The following GPR19 variants were observed in gnomAD, a reference collection of about 807,000 sequenced individuals.
GPR19 encodes the protein G protein-coupled receptor 19, also known as probable G protein-coupled receptor 19.
Under a neutral mutation model 28.5 loss-of-function variants are expected in GPR19, and 14 were observed. The ratio of observed to expected loss-of-function variants is 0.49; its 90% confidence interval spans 0.32 to 0.77. The LOEUF (loss-of-function observed/expected upper bound fraction) is 0.77. GPR19 is among the 30% of genes least tolerant of loss of function. The pLI, the probability that GPR19 is intolerant of heterozygous loss-of-function variation, is 0.03. For synonymous variants in GPR19, 173 were observed against 184.1 expected, an observed-to-expected ratio of 0.94 and a Z score of 0.49; for missense variants, 409 against 504.1, an observed-to-expected ratio of 0.81 and a Z score of 1.81.
At chr12:12,696,248 G>C (rs1028389628), upstream of GPR19, 1 of 151,946 alleles carries the variant, frequency 6.6e-6, no homozygotes, top group African/African-American at 2.4e-5. Flanking sequence ...GTGCACTCCC[G>C]GGGTGGCGCT....
In GPR19 at chr12:12,681,477, G is replaced by A. The variant is rs117673906; in HGVS notation, c.-23+2874C>T. ...TCCCTCTGTTCTATCCTCCCATTTA[G>A]CTGGTTGAGTAGGTTGCCCCCTTTT... On this transcript the variant is annotated intron_variant, in intron 3 of 3. Transcript: ENST00000651487. Among the ~76,000 whole-genome samples the A allele has an allele frequency of 2.0e-4, 31 of 152,306 alleles. No individual in the cohort carries two copies. The East Asian group carries it at 5.8e-3, about 28-fold the overall frequency.
the GPR19 span, among the ~76,000 whole-genome samples, chr12:12,704,170 T>C: frequency 1.3e-5 from 2 of 152,132 alleles, no homozygotes; most frequent in Non-Finnish European, 2.9e-5. Context: ...TTGTTAAGGG[T>C]TGTAATACTT....
chr12:12,705,227 G>C, the GPR19 span, among the ~76,000 whole-genome samples: 29 of 151,442 alleles, frequency 1.9e-4, no homozygotes, highest in African/African-American at 5.6e-4. Flanking sequence ...TGAGGCAGGA[G>C]AATCACTTGA....
chr12:12,702,530 T>C, the GPR19 span, among the ~76,000 whole-genome samples: 1 of 152,178 alleles, frequency 6.6e-6, no homozygotes, highest in Admixed American at 6.5e-5. Flanking sequence ...CTGTGATAAA[T>C]CTAGATCCTT....
chr12:12,712,041 T>C, the GPR19 span, among the ~76,000 whole-genome samples: 1 of 152,198 alleles, frequency 6.6e-6, no homozygotes, highest in African/African-American at 2.4e-5. Context: ...CACAAAGATC[T>C]GCTTGTCCAA....
the GPR19 span, among the ~76,000 whole-genome samples, chr12:12,712,586 C>T: frequency 1.3e-5 from 2 of 152,198 alleles, no homozygotes; most frequent in African/African-American, 4.8e-5. Flanking sequence ...AGATCTGACT[C>T]ATATATCACT....
intron 3 of GPR19, among the ~76,000 whole-genome samples, chr12:12,668,634 TCAAA>T (rs1295779368): frequency 6.6e-6 from 1 of 151,270 alleles, no homozygotes; most frequent in Non-Finnish European, 1.5e-5. Flanking sequence ...AAATTTAATG[TCAAA>T]CAAGAATTTT....
chr12:12,673,860 T>A (rs185161093), intron 3 of GPR19, among the ~76,000 whole-genome samples: 23 of 152,228 alleles, frequency 1.5e-4, no homozygotes, highest in African/African-American at 4.8e-5. Context: ...CCATTTTTTT[T>A]AACCCCCTCA....
At chr12:12,689,275 C>A (rs1169223244) in intron 2 of GPR19, among the ~76,000 whole-genome samples, 1 of 152,158 alleles carries the variant, frequency 6.6e-6, no homozygotes, top group South Asian at 2.1e-4. Flanking sequence ...CCGGGTATTA[C>A]AATTCAACAT....
intron 2 of GPR19, among the ~76,000 whole-genome samples, chr12:12,691,308 C>A (rs1946177522): frequency 6.6e-6 from 1 of 152,120 alleles, no homozygotes; most frequent in African/African-American, 2.4e-5. Context: ...CGTTAACTTT[C>A]CAGAATGAGC....
upstream of GPR19, among the ~76,000 whole-genome samples, chr12:12,697,438 A>G (rs762676755): frequency 1.3e-5 from 2 of 152,246 alleles, no homozygotes; most frequent in Non-Finnish European, 2.9e-5. Context: ...TTCTAATGAT[A>G]CATTTTAATG....
intron 3 of GPR19, among the ~76,000 whole-genome samples, chr12:12,682,521 G>T (rs898702495): frequency 1.3e-5 from 2 of 152,168 alleles, no homozygotes; most frequent in Non-Finnish European, 2.9e-5. Context: ...GGTGATAAGT[G>T]CTAGAAATCC....
upstream of GPR19, among the ~76,000 whole-genome samples, chr12:12,699,733 C>G (rs1486340863): frequency 6.6e-6 from 1 of 152,218 alleles, no homozygotes; most frequent in Non-Finnish European, 1.5e-5. Context: ...GGACAGGAAG[C>G]AGATGCACTC....
At chr12:12,692,421 C>T (rs1467936717) in intron 2 of GPR19, among the ~76,000 whole-genome samples, 2 of 151,394 alleles carry the variant, frequency 1.3e-5, no homozygotes, top group East Asian at 1.9e-4. Flanking sequence ...AGGTTAATGG[C>T]GGGGTTTTGC....
chr12:12,681,872 A>G (rs10743999), intron 3 of GPR19, among the ~76,000 whole-genome samples: 1 of 152,164 alleles, frequency 6.6e-6, no homozygotes, highest in Non-Finnish European at 1.5e-5. Flanking sequence ...TGCCCCAGGA[A>G]AATCTTCTTC....
chr12:12,708,748 G>C, the GPR19 span, among the ~76,000 whole-genome samples: 2 of 152,192 alleles, frequency 1.3e-5, no homozygotes, highest in African/African-American at 4.8e-5. Context: ...CAGGGAACCT[G>C]CTTTAAAGTA....
the GPR19 span, chr12:12,716,759 G>A: frequency 1.2e-5 from 12 of 985,294 alleles, no homozygotes; most frequent in Non-Finnish European, 1.4e-5. Flanking sequence ...CCTCCCCAGG[G>A]ATGGCAGAAA....
At chr12:12,686,080 T>G (rs1206261985) in intron 2 of GPR19, among the ~76,000 whole-genome samples, 1 of 152,256 alleles carries the variant, frequency 6.6e-6, no homozygotes, top group Non-Finnish European at 1.5e-5. Flanking sequence ...ACAAACTGGC[T>G]ATACATTTGT....
Position 12,661,349 on chromosome 12 carries a change from G to T in GPR19, c.1100C>A (p.Ala367Asp). 6.2e-7 allele frequency: 1 copy of T among 1,613,778 alleles called. No homozygotes were observed. Among genetic ancestry groups the T allele is most frequent in the Non-Finnish European group, 8.5e-7 (1 of 1,179,858 alleles). Residue 367 changes from alanine to aspartate, a missense_variant, in exon 4 of 4, where the codon GCC becomes GAC. Transcript: ENST00000651487. This position sits in a 1 kb window ranked among gnomAD's most constrained non-coding sequence, Gnocchi z 4.2. Reference protein sequence around the residue: ...AYTITTSSRMAKKNYVGISEI... With the variant: ...AYTITTSSRMDKKNYVGISEI... ...TGAAATGCCAACGTAGTTTTTTTTG[G>T]CCATCCTTGAACTTGTTGTGATAGT...
Sources: allele counts gnomAD v4.1 joint callset (sites outside exome capture counted in the v4.1 genomes callset), GRCh38; gene constraint gnomAD v4.1.1; non-coding constraint Gnocchi (gnomAD v3.1); transcripts MANE v1.5; gene names NCBI Gene and HGNC (gene_info 2026-07-23, HGNC 2026-07-21).